MTMR7: variants seen among roughly 807,000 people sequenced by gnomAD.
The protein encoded by MTMR7 is myotubularin related protein 7.
In MTMR7, 76 loss-of-function variants were observed where a neutral mutation model predicts 81.2. The observed-to-expected ratio is 0.94, with a 90% confidence interval of 0.78 to 1.13. The LOEUF (loss-of-function observed/expected upper bound fraction) is 1.13. Among genes scored for constraint, MTMR7 ranks in the 50% most tolerant of loss-of-function variants. The pLI is 0.00. For synonymous variants in MTMR7, 372 were observed against 289.8 expected, an observed-to-expected ratio of 1.28 and a Z score of -2.88; for missense variants, 1,044 against 820.0, an observed-to-expected ratio of 1.27 and a Z score of -3.34.
At chr8:17,399,886 C>A (rs1382611948) in intron 1 of MTMR7, among the ~76,000 whole-genome samples, 9 of 147,104 alleles carry the variant, frequency 6.1e-5, no homozygotes, top group Non-Finnish European at 8.9e-5. Context: ...AAAAAAAAAA[C>A]CAAAAAACTG....
intron 1 of MTMR7, among the ~76,000 whole-genome samples, chr8:17,402,261 T>C (rs182895036): frequency 8.5e-5 from 13 of 152,252 alleles, no homozygotes; most frequent in Admixed American, 5.9e-4. Flanking sequence ...TATACTCTTT[T>C]AGTTACTTTA....
chr8:17,312,562 G>A (rs925656337), intron 8 of MTMR7, among the ~76,000 whole-genome samples: 19 of 120,658 alleles, frequency 1.6e-4, no homozygotes, highest in Admixed American at 3.2e-4. Flanking sequence ...GTGACAGAGC[G>A]AGACTCCCTC....
intron 7 of MTMR7, among the ~76,000 whole-genome samples, chr8:17,321,239 C>T (rs1342826770): frequency 6.6e-6 from 1 of 152,164 alleles, no homozygotes; most frequent in Non-Finnish European, 1.5e-5. Flanking sequence ...ATGGCCTGTG[C>T]CAAAAGCAAG....
chr8:17,386,762 T>C (rs1400987220), intron 1 of MTMR7, among the ~76,000 whole-genome samples: 1 of 152,212 alleles, frequency 6.6e-6, no homozygotes, highest in Non-Finnish European at 1.5e-5. Context: ...GGTCACACGC[T>C]TACCCCTAAA....
chr8:17,324,182 A>C (rs751387414), intron 7 of MTMR7, among the ~76,000 whole-genome samples: 2 of 152,198 alleles, frequency 1.3e-5, no homozygotes, highest in Non-Finnish European at 2.9e-5. Flanking sequence ...AAAATTGGTT[A>C]CTTCTTTCAG....
At chr8:17,348,393 A>AAC (rs1554512672) in intron 5 of MTMR7, among the ~76,000 whole-genome samples, 4 of 151,202 alleles carry the variant, frequency 2.6e-5, no homozygotes, top group South Asian at 2.1e-4. Flanking sequence ...CAAAAAAAAA[A>AAC]CCCAAAATTA....
chr8:17,364,277 C>T (rs1026274880), intron 3 of MTMR7, among the ~76,000 whole-genome samples: 2 of 152,002 alleles, frequency 1.3e-5, no homozygotes, highest in Non-Finnish European at 2.9e-5. Flanking sequence ...TTGTGATCTG[C>T]CCGCCTCGGC....
At chr8:17,341,179 G>A (rs1010194651) in intron 6 of MTMR7, among the ~76,000 whole-genome samples, 184 bp downstream of exon 6, 1 of 152,216 alleles carries the variant, frequency 6.6e-6, no homozygotes, top group African/African-American at 2.4e-5. Context: ...TATAGTTGGA[G>A]GCTTCAGGTG....
chr8:17,321,880 CAA>C (rs1395682508), intron 7 of MTMR7, among the ~76,000 whole-genome samples: 3 of 152,272 alleles, frequency 2.0e-5, no homozygotes, highest in Non-Finnish European at 2.9e-5. Context: ...AAAGCAAAGA[CAA>C]AAGATATAAT....
chr8:17,347,257 G>A (rs916125146), intron 5 of MTMR7, among the ~76,000 whole-genome samples: 1 of 151,338 alleles, frequency 6.6e-6, no homozygotes. Flanking sequence ...CTCTGTGCAA[G>A]CTGAAATACA....
chr8:17,328,266 A>C (rs1818798410), intron 7 of MTMR7, among the ~76,000 whole-genome samples: 1 of 152,148 alleles, frequency 6.6e-6, no homozygotes, highest in African/African-American at 2.4e-5. Flanking sequence ...CAACAAGTGG[A>C]GAGATGCAAG....
Position 17,311,595 on chromosome 8 carries a change from AGAACAGT to A in MTMR7, c.1010_1016del (p.His337LeufsTer25). The A allele has an allele frequency of 6.2e-7, 1 of 1,614,150 alleles. No individual in the cohort carries two copies. Among genetic ancestry groups the A allele is most frequent in the Non-Finnish European group, 8.5e-7 (1 of 1,180,020 alleles). On this transcript the variant is annotated frameshift_variant, in exon 9 of 14. Coordinates refer to ENST00000180173, the MANE Select transcript of MTMR7 (RefSeq NM_004686.5). LOFTEE classifies it high-confidence loss of function. ...CCTGAGCGGTCCTGTCCCAGCCATC[AGAACAGT>A]GAACAAGCACACTTGCCCCTTCCTC...
At chr8:17,407,397 A>T (rs1387544012) in intron 1 of MTMR7, among the ~76,000 whole-genome samples, 1 of 152,178 alleles carries the variant, frequency 6.6e-6, no homozygotes, top group Non-Finnish European at 1.5e-5. Context: ...GAAAGTGTTA[A>T]ATGACATAAC....
Position 17,400,092 on chromosome 8 carries a change from G to C in MTMR7, c.24+13177C>G, listed in dbSNP as rs565710968. 2.0e-5 allele frequency among the ~76,000 whole-genome samples: 3 copies of C among 151,930 alleles called. No homozygotes were observed. The East Asian group carries it at 6.0e-4, about 31-fold the overall frequency. ...AAAATTCTTGAGAATTATAGATGAA[G>C]TATGGTTTCTCATCAATTTATGTTT... On this transcript the variant is annotated intron_variant, in intron 1 of 13. Coordinates refer to ENST00000180173, the MANE Select transcript of MTMR7 (RefSeq NM_004686.5).
intron 4 of MTMR7, among the ~76,000 whole-genome samples, chr8:17,349,995 G>A (rs960967804): frequency 1.3e-5 from 2 of 152,146 alleles, no homozygotes; most frequent in African/African-American, 2.4e-5. Flanking sequence ...GATCAAATCC[G>A]GCAACACCCA....
chr8:17,409,383 C>A (rs1401827213), intron 1 of MTMR7, among the ~76,000 whole-genome samples: 1 of 151,988 alleles, frequency 6.6e-6, no homozygotes, highest in African/African-American at 2.4e-5. Context: ...TCACCTGAAC[C>A]CAGGAGATGG....
chr8:17,332,869 T>C (rs766824423), intron 6 of MTMR7, among the ~76,000 whole-genome samples: 41 of 152,120 alleles, frequency 2.7e-4, no homozygotes, highest in Middle Eastern at 3.2e-3. Flanking sequence ...TAAAAATGTA[T>C]AGAAAACGGT....
At chr8:17,397,245 C>T (rs575798066) in intron 1 of MTMR7, among the ~76,000 whole-genome samples, 7 of 151,958 alleles carry the variant, frequency 4.6e-5, no homozygotes, top group South Asian at 2.1e-4. Context: ...TCAGCCATAG[C>T]GGGATAGAGT....
rs145647045 is a variant in MTMR7 at position 17,302,913 on chromosome 8, G to C, written c.1494-633C>G. Among the ~76,000 whole-genome samples the C allele has an allele frequency of 3.9e-5, 6 of 151,916 alleles. No individual in the cohort carries two copies. In the East Asian group the frequency reaches 1.2e-3, roughly 29 times the overall value. ...TTTAGTAGAGACAGGGTTTCACCAT[G>C]TTGGTCAGGTTGGTCATGAACTCCT... On this transcript the variant is annotated intron_variant, in intron 12 of 13. Transcript: ENST00000180173.
Sources: gnomAD v4.1 joint callset for allele counts (sites outside exome capture counted in the v4.1 genomes callset) on GRCh38, gnomAD v4.1.1 for gene constraint, MANE v1.5 for transcripts, NCBI Gene and HGNC (gene_info 2026-07-23, HGNC 2026-07-21) for gene names.